Variants in RBCK1 observed in about 807,000 individuals in gnomAD.
RBCK1 encodes RANBP2-type and C3HC4-type zinc finger containing 1, also known as ranBP-type and C3HC4-type zinc finger-containing protein 1.
In RBCK1, 44 loss-of-function variants were observed where a neutral mutation model predicts 71.1. That is an observed-to-expected ratio of 0.62 (90% CI 0.49 to 0.80). The LOEUF is 0.80. Among genes scored for constraint, RBCK1 ranks in the 30% least tolerant of loss-of-function variants. RBCK1 has a pLI of 0.00. For synonymous variants in RBCK1, 306 were observed against 279.7 expected (o/e 1.09, Z -0.94); for missense variants, 569 against 685.0 (o/e 0.83, Z 1.89).
At position 422,260 on chromosome 20, in the gene RBCK1, C is replaced by T. The variant is rs907707943; in HGVS notation, c.1029+22C>T. On this transcript the variant is annotated intron_variant, in intron 8 of 11. Transcript: ENST00000356286. This position sits in a 1 kb window ranked among gnomAD's most constrained non-coding sequence, Gnocchi z 5.0. ...GGCGGTAAGGCCTCAGGGTGGGAGA[C>T]ATACCCCAAGTCCCAACTCCTAAGG... 1 of 1,602,272 alleles carries T rather than the reference C, an allele frequency of 6.2e-7. No homozygotes were observed. Among genetic ancestry groups the T allele is most frequent in the Non-Finnish European group, 8.5e-7 (1 of 1,170,128 alleles).
rs779179077 is a variant in RBCK1, at chr20:430,343, C to G, written c.1453-7C>G. On this transcript the variant is annotated splice_polypyrimidine_tract_variant and splice_region_variant and intron_variant, in intron 11 of 11. Coordinates refer to ENST00000356286, the MANE Select transcript of RBCK1 (RefSeq NM_031229.4). The surrounding 1 kb of genome is among the most constrained non-coding windows in gnomAD (Gnocchi z 5.6). ...TGACATTCTCTTCTCTTCCTCCCAT[C>G]CTCTAGGGCCCAGGAGACACCAGCG... The G allele has an allele frequency of 6.2e-7, 1 of 1,602,156 alleles. No individual in the cohort carries two copies. The highest frequency in any genetic ancestry group is 8.6e-7 in the Non-Finnish European group (1 of 1,169,272).
In RBCK1 at chr20:417,417, G is replaced by T; in HGVS notation, c.168-109G>T. On this transcript the variant is annotated intron_variant, in intron 2 of 11. Transcript: ENST00000356286. This position sits in a 1 kb window ranked among gnomAD's most constrained non-coding sequence, Gnocchi z 4.7. ...GGTTTGTGTGTGTGTGTGTGTGTGT[G>T]TGTGTGCATGGCCATGTGCCTGTGT... is the stretch of plus-strand genomic sequence containing the variant. The T allele has an allele frequency of 6.7e-6, 6 of 892,634 alleles. No individual in the cohort carries two copies. Among genetic ancestry groups the T allele is most frequent in the Non-Finnish European group, 1.1e-5 (6 of 529,568 alleles). 55.3% of individuals were successfully genotyped at this position (892,634 alleles called of 1,614,324 possible).
rs754511518 is a variant in RBCK1 at position 421,035 on chromosome 20, C to T, written c.917+4C>T. 1.9e-6 allele frequency: 3 copies of T among 1,543,492 alleles called. No homozygotes were observed. The highest frequency in any genetic ancestry group is 2.4e-5 in the East Asian group (1 of 40,848). ...AGTGTCTGCACACCTTCTGCAGGTG[C>T]GGCCCCCAGTCCCACCCCCGGCAAT... On this transcript the variant is annotated splice_donor_region_variant and intron_variant, in intron 7 of 11. Coordinates refer to ENST00000356286, the MANE Select transcript of RBCK1 (RefSeq NM_031229.4).
rs1451060336 is a variant in RBCK1 at position 417,424 on chromosome 20, C to T, written c.168-102C>T. On this transcript the variant is annotated intron_variant, in intron 2 of 11. Transcript: ENST00000356286. This position sits in a 1 kb window ranked among gnomAD's most constrained non-coding sequence, Gnocchi z 4.7. ...GTGTGTGTGTGTGTGTGTGTGTGTG[C>T]ATGGCCATGTGCCTGTGTGCAAATA... 14 of 853,084 alleles carry T rather than the reference C, an allele frequency of 1.6e-5. No individual in the cohort carries two copies. Among genetic ancestry groups the T allele is most frequent in the East Asian group, 5.2e-5 (2 of 38,238 alleles). 52.8% of individuals were successfully genotyped at this position (853,084 alleles called of 1,614,324 possible). A position where few individuals can be genotyped will look rare whatever the true frequency, so the allele number is the denominator to read the frequency against.
At chr20:425,255 C>T (rs2016647063) in intron 8 of RBCK1, among the ~76,000 whole-genome samples, 1 of 152,202 alleles carries the variant, frequency 6.6e-6, no homozygotes, top group South Asian at 2.1e-4. Flanking sequence ...AGGTGATCCA[C>T]CCACCTCGGC....
At position 425,281 on chromosome 20, in the gene RBCK1, G is replaced by C. The variant is rs2016649554; in HGVS notation, c.1030-2032G>C. Among the ~76,000 whole-genome samples, 4 of 152,166 alleles carry C rather than the reference G, an allele frequency of 2.6e-5. No homozygotes were observed. In the South Asian group the frequency reaches 8.3e-4, roughly 31 times the overall value. On this transcript the variant is annotated intron_variant, in intron 8 of 11. Transcript: ENST00000356286. Reference sequence around the variant, plus strand: ...CCACCTCGGCCTCCCAAAGTGCTAGGATTACAGGCGTGAGCCACCGTGCCC... The same window carrying C: ...CCACCTCGGCCTCCCAAAGTGCTAGCATTACAGGCGTGAGCCACCGTGCCC...
chr20:409,983 G>A lies in RBCK1; in HGVS notation c.125G>A (p.Ser42Asn). 1 of 1,614,196 alleles carries A rather than the reference G, an allele frequency of 6.2e-7. No individual in the cohort carries two copies. Among genetic ancestry groups the A allele is most frequent in the Non-Finnish European group, 8.5e-7 (1 of 1,180,036 alleles). Residue 42 changes from serine (S) to asparagine (N), a missense_variant, in exon 2 of 12, where the codon AGT becomes AAT. Around this residue, in one of 2 missense-constraint regions of RBCK1, gnomAD observed 358 missense variants for 375.6 expected, o/e 0.95. Transcript: ENST00000356286. The stretch of plus-strand genomic sequence containing the variant: ...CTGGCAGAGCAACGGGTGCCCCTGA[G>A]TGTGCAACTGAAGCCTGAGGTCTCC... ...IWLAEQRVPL[S>N]VQLKPEVSPT...
At position 430,238 on chromosome 20, in the gene RBCK1, C is replaced by A; in HGVS notation, c.1453-112C>A. On this transcript the variant is annotated intron_variant, in intron 11 of 11. Transcript: ENST00000356286. The surrounding 1 kb of genome is among the most constrained non-coding windows in gnomAD (Gnocchi z 5.6). The stretch of plus-strand genomic sequence containing the variant: ...ATCAGGTAGCTGAGGCTGACCAGGC[C>A]ATTCTTGCAGGAGGACCTGCAGAGG... 2 of 923,144 alleles carry A rather than the reference C, an allele frequency of 2.2e-6. No homozygotes were observed. The highest frequency in any genetic ancestry group is 2.9e-5 in the South Asian group (2 of 68,572). 57.2% of individuals were successfully genotyped at this position (923,144 alleles called of 1,614,324 possible). A position where few individuals can be genotyped will look rare whatever the true frequency, so the allele number is the denominator to read the frequency against.
chr20:428,963 C>G lies in RBCK1; in HGVS notation c.1321C>G (p.Gln441Glu), dbSNP rs1249478632. 3 of 1,608,770 alleles carry G rather than the reference C, an allele frequency of 1.9e-6. No homozygotes were observed. The highest frequency in any genetic ancestry group is 2.5e-6 in the Non-Finnish European group (3 of 1,179,306). The change falls in exon 11 of 12, where the codon CAG becomes GAG. Residue 441 changes from glutamine to glutamate, a missense_variant. Physicochemically the swap from Gln to Glu is conservative, Grantham distance 29 (BLOSUM62 2). Transcript: ENST00000356286. This position sits in a 1 kb window ranked among gnomAD's most constrained non-coding sequence, Gnocchi z 5.7. ...TGCCCCACTCCAGGTGATGCTGCAG[C>G]AGGGCGAGGCCATGCGCTGCCCCCA... ...TTEMLKVMLQ[Q>E]GEAMRCPQCQ...
rs2015620040 is a variant in RBCK1, at chr20:410,176, A to T, written c.167+151A>T. On this transcript the variant is annotated intron_variant, in intron 2 of 11. Coordinates refer to ENST00000356286, the MANE Select transcript of RBCK1 (RefSeq NM_031229.4). ...ATTAATCAACTGTGAAATACAGAGC[A>T]GGTCACTTCACCTCTCAGTGTGTCC... The T allele has an allele frequency of 3.4e-6, 3 of 884,762 alleles. No homozygotes were observed. The African/African-American group carries it at 5.1e-5, about 15-fold the overall frequency. 54.8% of individuals were successfully genotyped at this position (884,762 alleles called of 1,614,324 possible).
chr20:422,327 C>CTT lies in RBCK1; in HGVS notation c.1029+100_1029+101dup, dbSNP rs878914446. Reference sequence around the variant, plus strand: ...GGCAGCAGACATCTTTCTTTTCTTTCTTTTTTTTTTTTGGAGATGGGGTCT... The same window carrying CTT: ...GGCAGCAGACATCTTTCTTTTCTTTCTTTTTTTTTTTTTTGGAGATGGGGTCT... On this transcript the variant is annotated intron_variant, in intron 8 of 11. Transcript: ENST00000356286. The surrounding 1 kb of genome is among the most constrained non-coding windows in gnomAD (Gnocchi z 5.0). The CTT allele has an allele frequency of 1.5e-3, 1,333 of 876,988 alleles. No homozygotes were observed. Among genetic ancestry groups the CTT allele is most frequent in the South Asian group, 1.9e-3 (113 of 59,196 alleles). The allele number at this position is 876,988 out of a possible 1,614,324, so 54.3% of individuals were successfully genotyped here.
chr20:414,727 A>G (rs1282103198), intron 2 of RBCK1, among the ~76,000 whole-genome samples: 1 of 152,252 alleles, frequency 6.6e-6, no homozygotes, highest in African/African-American at 2.4e-5. Context: ...ATTATTCACT[A>G]TAGAATAACT....
chr20:421,149 A>C, intron 7 of RBCK1, 118 bp downstream of exon 7: 1 of 1,267,986 alleles, frequency 7.9e-7, no homozygotes, highest in Non-Finnish European at 1.1e-6. Context: ...GCGAAAACCT[A>C]CGAGGTAGGC....
In RBCK1 at chr20:410,692, C is replaced by T. The variant is rs2015656087; in HGVS notation, c.167+667C>T. The T allele has an allele frequency of 5.1e-5, 32 of 633,216 alleles. 1 individual carries two copies. The South Asian group carries it at 5.7e-4, about 11-fold the overall frequency. The allele number at this position is 633,216 out of a possible 1,614,324, so 39.2% of individuals were successfully genotyped here. A position where few individuals can be genotyped will look rare whatever the true frequency, so the allele number is the denominator to read the frequency against. ...CGGTCTGTGCTCCAGGAGACTTAAA[C>T]TCAATGCTGAAACACTTTGCACAAT... On this transcript the variant is annotated intron_variant, in intron 2 of 11. Transcript: ENST00000356286.
chr20:422,210 G>A lies in RBCK1; in HGVS notation c.1001G>A (p.Gly334Asp), dbSNP rs139240943. ...PFIDNTYSCS[G>D]KLLEREIKAL... Reference sequence around the variant, plus strand: ...ATTGACAACACCTACTCGTGCTCGGGCAAGCTGCTGGAGAGGGAGATCAAG... The same window carrying A: ...ATTGACAACACCTACTCGTGCTCGGACAAGCTGCTGGAGAGGGAGATCAAG... The change falls in exon 8 of 12, where the codon GGC becomes GAC. Residue 334 changes from glycine to aspartate, a missense_variant. Transcript: ENST00000356286. The surrounding 1 kb of genome is among the most constrained non-coding windows in gnomAD (Gnocchi z 5.0). 8 of 1,613,358 alleles carry A rather than the reference G, an allele frequency of 5.0e-6. No homozygotes were observed. The highest frequency in any genetic ancestry group is 6.8e-6 in the Non-Finnish European group (8 of 1,179,938).
At chr20:419,229 C>A in intron 4 of RBCK1, 118 bp from the exon 5 acceptor site, 1 of 1,401,584 alleles carries the variant, frequency 7.1e-7, no homozygotes, top group Non-Finnish European at 9.7e-7. Flanking sequence ...GAGGTACCCC[C>A]AGGGAGGAGG....
At chr20:425,193 T>C (rs2016643688) in intron 8 of RBCK1, among the ~76,000 whole-genome samples, 1 of 152,170 alleles carries the variant, frequency 6.6e-6, no homozygotes, top group African/African-American at 2.4e-5. Flanking sequence ...GTATTTTCAG[T>C]ACAGACGAGT....
chr20:415,921 C>T (rs371696823), intron 2 of RBCK1, among the ~76,000 whole-genome samples: 2 of 152,236 alleles, frequency 1.3e-5, no homozygotes, highest in African/African-American at 4.8e-5. Flanking sequence ...CCAGATCTCA[C>T]GAGGACTCAC....
In RBCK1 at chr20:421,018, C is replaced by T. The variant is rs866880976; in HGVS notation, c.904C>T (p.His302Tyr). 2 of 1,562,214 alleles carry T rather than the reference C, an allele frequency of 1.3e-6. No homozygotes were observed. Among genetic ancestry groups the T allele is most frequent in the Non-Finnish European group, 1.7e-6 (2 of 1,153,798 alleles). The change falls in exon 7 of 12, where the codon CAC becomes TAC. Residue 302 changes from histidine to tyrosine, a missense_variant. His to Tyr is a moderately conservative substitution (Grantham distance 83, BLOSUM62 2). Around this residue, in one of 2 missense-constraint regions of RBCK1, gnomAD observed 211 missense variants for 309.4 expected, o/e 0.68. Coordinates refer to ENST00000356286, the MANE Select transcript of RBCK1 (RefSeq NM_031229.4). ...GGCCGTGGTGCTGCGTGAGTGTCTGCACACCTTCTGCAGGTGCGGCCCCCA... is the reference window on the plus strand; with the variant it reads ...GGCCGTGGTGCTGCGTGAGTGTCTGTACACCTTCTGCAGGTGCGGCCCCCA... ...GEAVVLRECLHTFCRECLQGT... is the reference protein window; with the variant it reads ...GEAVVLRECLYTFCRECLQGT...
Sources: allele counts gnomAD v4.1 joint callset (sites outside exome capture counted in the v4.1 genomes callset), GRCh38; gene constraint gnomAD v4.1.1; regional missense constraint gnomAD v4.1.1; non-coding constraint Gnocchi (gnomAD v3.1); transcripts MANE v1.5; gene names NCBI Gene and HGNC (gene_info 2026-07-23, HGNC 2026-07-21).